ROBO4: variants seen among roughly 807,000 people sequenced by gnomAD.
The protein encoded by ROBO4 is roundabout guidance receptor 4, also known as roundabout homolog 4.
In ROBO4, 80 loss-of-function variants were observed where a neutral mutation model predicts 103.3. That is an observed-to-expected ratio of 0.77 (90% CI 0.65 to 0.93). The LOEUF is 0.93. Among genes scored for constraint, ROBO4 ranks in the 40% least tolerant of loss-of-function variants. ROBO4 has a pLI of 0.00. For synonymous variants in ROBO4, 504 were observed against 529.7 expected (o/e 0.95, Z 0.67); for missense variants, 1,333 against 1,305.3 (o/e 1.02, Z -0.33).
rs545569395 is a variant in ROBO4 at position 124,888,025 on chromosome 11, G to A, written c.1949-185C>T. ...CAGCAGCTGTGATAGGGTAGAAGGA[G>A]CACTAGGCTTGGGGTCAAAAGACCT... On this transcript the variant is annotated intron_variant, in intron 12 of 17. Transcript: ENST00000306534. Among the ~76,000 whole-genome samples the A allele has an allele frequency of 7.2e-5, 11 of 152,384 alleles. No individual in the cohort carries two copies. The East Asian group carries it at 1.7e-3, about 24-fold the overall frequency.
At chr11:124,887,565 G>A (rs562761345) in intron 13 of ROBO4, 66 bp from the exon 14 acceptor site, 152 of 1,598,612 alleles carry the variant, frequency 9.5e-5, no homozygotes, top group South Asian at 2.6e-4. Flanking sequence ...TCAGCCTGCC[G>A]GCCTGCCCAC....
In ROBO4 at chr11:124,893,974, T is replaced by A; in HGVS notation, c.1390A>T (p.Thr464Ser). ...GCAATGACCTCAGGCCGCTTCAAGG[T>A]AGCCCTCAGCTGCTCCAGGGTCCAG... is the stretch of plus-strand genomic sequence containing the variant. Reference protein sequence around the residue: ...GPWTLEQLRATLKRPEVIATC... With the variant: ...GPWTLEQLRASLKRPEVIATC... Residue 464 changes from threonine (T) to serine (S), a missense_variant, in exon 9 of 18, where the codon ACC (threonine) becomes TCC (serine). Transcript: ENST00000306534. 6.3e-7 allele frequency: 1 copy of A among 1,596,662 alleles called. No individual in the cohort carries two copies. Among genetic ancestry groups the A allele is most frequent in the Non-Finnish European group, 8.5e-7 (1 of 1,172,706 alleles).
intron 1 of ROBO4, 98 bp downstream of exon 1, chr11:124,897,628 C>T (rs546829235): frequency 9.9e-6 from 10 of 1,011,172 alleles, no homozygotes; most frequent in South Asian, 6.6e-5. Context: ...TCTCTGGTCC[C>T]CCCACTGCAA....
At chr11:124,893,102 A>C (rs1285566487) in intron 10 of ROBO4, 1 of 157,816 alleles carries the variant, frequency 6.3e-6, no homozygotes, top group East Asian at 1.9e-4. Context: ...TACTTAGTAC[A>C]AAACTCAGAC....
intron 16 of ROBO4, 77 bp from the exon 17 acceptor site, chr11:124,885,324 G>T: frequency 8.0e-7 from 1 of 1,251,790 alleles, no homozygotes; most frequent in South Asian, 1.3e-5. Flanking sequence ...GAAAGCTTAG[G>T]ACCAGCTCAG....
chr11:124,897,466 G>A, intron 1 of ROBO4: 1 of 539,750 alleles, frequency 1.9e-6, no homozygotes, highest in South Asian at 2.5e-5. Context: ...TGCATAGCAT[G>A]TTCGCTCTCT....
intron 12 of ROBO4, among the ~76,000 whole-genome samples, chr11:124,890,497 C>G (rs2135371092): frequency 6.6e-6 from 1 of 152,344 alleles, no homozygotes; most frequent in Admixed American, 6.5e-5. Flanking sequence ...CTCAGAATCA[C>G]TTCAGAGGCA....
chr11:124,891,743 C>CGA lies in ROBO4; in HGVS notation c.1605_1606dup (p.Arg536LeufsTer4). 1 of 1,613,956 alleles carries CGA rather than the reference C, an allele frequency of 6.2e-7. No individual in the cohort carries two copies. On this transcript the variant is annotated frameshift_variant, in exon 11 of 18. Transcript: ENST00000306534. LOFTEE classifies it high-confidence loss of function. ...GAGGCTGCTGCTGCTGCTCAGGTCC[C>CGA]GAGAGCCAGAGGTGGAACGCCAAGT...
chr11:124,892,112 A>G (rs1946809798), intron 10 of ROBO4: 1 of 572,892 alleles, frequency 1.7e-6, no homozygotes, highest in African/African-American at 1.8e-5. Context: ...GACAATCTCT[A>G]TCTGTCACAG....
In ROBO4 at chr11:124,896,947, G is replaced by T. The variant is rs199625905; in HGVS notation, c.385C>A (p.Arg129=). 1 of 1,612,840 alleles carries T rather than the reference G, an allele frequency of 6.2e-7. No homozygotes were observed. The highest frequency in any genetic ancestry group is 1.1e-5 in the South Asian group (1 of 90,844). ...CAGGCCTCACCAGCCACAGACAGCC[G>T]AGCGCCTCTGCTGACTGCCGTGCCA... ...RLGTAVSRGA[R]LSVAVLREDF... is the part of the protein sequence containing the mutation. The change falls in exon 2 of 18, where the codon CGG becomes AGG. Residue 129 remains arginine, a synonymous_variant. Transcript: ENST00000306534.
rs749338809 is a variant in ROBO4 at position 124,891,431 on chromosome 11, G to T, written c.1816C>A (p.Arg606Ser). The T allele has an allele frequency of 1.3e-6, 2 of 1,593,880 alleles. No homozygotes were observed. Among genetic ancestry groups the T allele is most frequent in the South Asian group, 1.1e-5 (1 of 87,044 alleles). ...AGCTGGGCCAGCTGGGGTGGGAGGC[G>T]CCTGACAGCTGGGACCTGGGGACTT... ...RPSPQVPAVR[R>S]LPPQLAQLSS... Residue 606 changes from arginine to serine, a missense_variant, in exon 12 of 18, where the codon CGC (arginine) becomes AGC (serine). Arg to Ser is a moderately radical substitution (Grantham distance 110, BLOSUM62 -1). Coordinates refer to ENST00000306534, the MANE Select transcript of ROBO4 (RefSeq NM_019055.6).
Position 124,891,747 on chromosome 11 carries a change from A to G in ROBO4, c.1603T>C (p.Ser535Pro), listed in dbSNP as rs567828905. 20 of 1,613,876 alleles carry G rather than the reference A, an allele frequency of 1.2e-5. No individual in the cohort carries two copies. In the South Asian group the frequency reaches 2.1e-4, roughly 17 times the overall value. Residue 535 changes from serine to proline, a missense_variant, in exon 11 of 18, where the codon TCT becomes CCT. Coordinates refer to ENST00000306534, the MANE Select transcript of ROBO4 (RefSeq NM_019055.6). ...LADTWRSTSG[S>P]RDLSSSSSLS... The stretch of plus-strand genomic sequence containing the variant: ...CTGCTGCTGCTGCTCAGGTCCCGAG[A>G]GCCAGAGGTGGAACGCCAAGTGTCT...
intron 7 of ROBO4, among the ~76,000 whole-genome samples, chr11:124,894,748 G>A (rs1256331520): frequency 6.6e-6 from 1 of 152,222 alleles, no homozygotes; most frequent in Non-Finnish European, 1.5e-5. Context: ...GGCTGATGTT[G>A]CTGCTCTAGA....
chr11:124,894,078 A>G, intron 8 of ROBO4, 33 bp from the exon 9 acceptor site: 5 of 1,541,266 alleles, frequency 3.2e-6, no homozygotes, highest in Non-Finnish European at 4.4e-6. Context: ...AGGGAGAGGG[A>G]GTCGAGGCAT....
At chr11:124,895,993 G>A in intron 4 of ROBO4, 81 bp from the exon 5 acceptor site, 2 of 1,577,220 alleles carry the variant, frequency 1.3e-6, no homozygotes, top group South Asian at 1.1e-5. Flanking sequence ...CAGCCAGGGA[G>A]GAACCCCAGG....
chr11:124,896,792 C>T, intron 2 of ROBO4, 122 bp from the exon 3 acceptor site: 2 of 1,511,106 alleles, frequency 1.3e-6, no homozygotes, highest in Non-Finnish European at 1.8e-6. Flanking sequence ...AGCCCCGCCC[C>T]AGCTTGCCCT....
intron 12 of ROBO4, among the ~76,000 whole-genome samples, chr11:124,890,764 C>A (rs1317530892): frequency 1.3e-5 from 2 of 152,188 alleles, no homozygotes; most frequent in Non-Finnish European, 2.9e-5. Context: ...TAAACCTGTC[C>A]AGAAAGGAAA....
At chr11:124,889,747 G>A (rs562113972) in intron 12 of ROBO4, among the ~76,000 whole-genome samples, 1 of 152,238 alleles carries the variant, frequency 6.6e-6, no homozygotes, top group African/African-American at 2.4e-5. Context: ...AGGGGAGTGG[G>A]TGGTACTGGG....
At chr11:124,891,940 T>C (rs1946806535) in intron 10 of ROBO4, 138 bp from the exon 11 acceptor site, 5 of 963,202 alleles carry the variant, frequency 5.2e-6, no homozygotes, top group Middle Eastern at 2.0e-4. Flanking sequence ...CTTTTCAGCT[T>C]TTCACAGACT....
Sources: allele counts gnomAD v4.1 joint callset (sites outside exome capture counted in the v4.1 genomes callset), GRCh38; gene constraint gnomAD v4.1.1; transcripts MANE v1.5; gene names NCBI Gene and HGNC (gene_info 2026-07-23, HGNC 2026-07-21).